Variants in SLC35F1 observed in about 807,000 individuals in gnomAD.
The protein encoded by SLC35F1 is solute carrier family 35 member F1.
A neutral mutation model predicts 48.7 loss-of-function variants in SLC35F1; 14 were observed. The ratio of observed to expected loss-of-function variants is 0.29; its 90% confidence interval spans 0.19 to 0.45. The LOEUF is 0.45. Ranked by LOEUF, SLC35F1 falls within the 20% of genes least tolerant of loss-of-function variation. SLC35F1 has a pLI of 1.00. For missense variants in SLC35F1, 404 were observed against 500.0 expected (o/e 0.81, Z 1.83); for synonymous variants, 190 against 202.2 (o/e 0.94, Z 0.51).
At chr6:118,296,205 T>A (rs901445743) in intron 7 of SLC35F1, among the ~76,000 whole-genome samples, 2 of 152,246 alleles carry the variant, frequency 1.3e-5, no homozygotes, top group Non-Finnish European at 2.9e-5. Flanking sequence ...TGTGCTACAA[T>A]GGCAGTGTTG....
At chr6:118,003,402 G>T (rs181593719) in intron 1 of SLC35F1, among the ~76,000 whole-genome samples, 5 of 152,330 alleles carry the variant, frequency 3.3e-5, no homozygotes, top group Non-Finnish European at 5.9e-5. Context: ...AGCAGGTTCT[G>T]GTTGGTTCTG....
intron 2 of SLC35F1, among the ~76,000 whole-genome samples, chr6:118,165,622 A>G (rs545326116): frequency 2.0e-5 from 3 of 152,350 alleles, no homozygotes; most frequent in East Asian, 1.9e-4. Context: ...AACTGAATAT[A>G]CATGCCATAC....
intron 1 of SLC35F1, among the ~76,000 whole-genome samples, chr6:117,925,060 GT>G (rs1277946794): frequency 6.6e-6 from 1 of 152,162 alleles, no homozygotes; most frequent in East Asian, 1.9e-4. Flanking sequence ...ACGTAATTGT[GT>G]TACATGGAAA....
chr6:118,059,497 A>C (rs1162164189), intron 1 of SLC35F1, among the ~76,000 whole-genome samples: 3 of 152,236 alleles, frequency 2.0e-5, no homozygotes, highest in African/African-American at 7.2e-5. Flanking sequence ...CAGTCAGTAC[A>C]AACCAGGTTA....
intron 1 of SLC35F1, among the ~76,000 whole-genome samples, chr6:117,939,091 T>C (rs1776196853): frequency 6.6e-6 from 1 of 151,280 alleles, no homozygotes; most frequent in Non-Finnish European, 1.5e-5. Context: ...GCTCAAAATC[T>C]TGAGCTCAAA....
intron 2 of SLC35F1, among the ~76,000 whole-genome samples, chr6:118,196,577 G>A (rs1774803424): frequency 6.6e-6 from 1 of 151,928 alleles, no homozygotes; most frequent in African/African-American, 2.4e-5. Context: ...TTAGCTGGGT[G>A]TCATGGCAGA....
At chr6:118,081,348 A>C (rs1772905198) in intron 1 of SLC35F1, among the ~76,000 whole-genome samples, 1 of 152,236 alleles carries the variant, frequency 6.6e-6, no homozygotes, top group Middle Eastern at 3.4e-3. Context: ...CAACCTGATC[A>C]TGCCAGGCAT....
intron 1 of SLC35F1, among the ~76,000 whole-genome samples, chr6:118,145,983 A>G (rs1207741924): frequency 6.6e-6 from 1 of 152,192 alleles, no homozygotes; most frequent in Non-Finnish European, 1.5e-5. Flanking sequence ...TTGTGTTGAC[A>G]ATTAATGTTG....
At chr6:117,962,226 C>T (rs192632845) in intron 1 of SLC35F1, among the ~76,000 whole-genome samples, 31 of 152,298 alleles carry the variant, frequency 2.0e-4, no homozygotes, top group African/African-American at 6.3e-4. Flanking sequence ...CCTTTCCCAT[C>T]CTGTCTATCA....
chr6:118,313,182 T>G (rs188723637), intron 7 of SLC35F1, among the ~76,000 whole-genome samples: 2 of 152,332 alleles, frequency 1.3e-5, no homozygotes, highest in Admixed American at 6.5e-5. Context: ...AAGGAATGAA[T>G]GAACGAAACA....
At chr6:118,052,571 CA>C (rs1225331841) in intron 1 of SLC35F1, among the ~76,000 whole-genome samples, 3 of 152,152 alleles carry the variant, frequency 2.0e-5, no homozygotes, top group Admixed American at 2.0e-4. Flanking sequence ...TTAGTATTAT[CA>C]GATATTATCA....
intron 4 of SLC35F1, among the ~76,000 whole-genome samples, chr6:118,272,281 TG>T (rs1775861072): frequency 6.6e-6 from 1 of 152,122 alleles, no homozygotes. Context: ...TGGAGTATGG[TG>T]GGTGCCATAG....
intron 3 of SLC35F1, among the ~76,000 whole-genome samples, chr6:118,266,332 A>C (rs916471682): frequency 2.6e-5 from 4 of 152,254 alleles, no homozygotes; most frequent in African/African-American, 7.2e-5. Context: ...AATGAAATCA[A>C]ATTTTTTTGC....
chr6:118,033,653 T>A (rs1247768850), intron 1 of SLC35F1, among the ~76,000 whole-genome samples: 1 of 152,110 alleles, frequency 6.6e-6, no homozygotes, highest in Admixed American at 6.6e-5. Context: ...AGTGTGTTAT[T>A]TCTCTATATT....
chr6:117,977,856 G>A (rs1776724901), intron 1 of SLC35F1, among the ~76,000 whole-genome samples: 1 of 152,058 alleles, frequency 6.6e-6, no homozygotes, highest in Non-Finnish European at 1.5e-5. Flanking sequence ...TAATGATAGG[G>A]AAAGATTTTC....
At chr6:118,210,076 A>G (rs1774983167) in intron 2 of SLC35F1, among the ~76,000 whole-genome samples, 1 of 152,198 alleles carries the variant, frequency 6.6e-6, no homozygotes, top group Non-Finnish European at 1.5e-5. Flanking sequence ...AGTTGGAGCA[A>G]GCAAAAGAAC....
intron 1 of SLC35F1, among the ~76,000 whole-genome samples, chr6:118,003,906 A>G (rs1777140347): frequency 6.6e-6 from 1 of 152,202 alleles, no homozygotes; most frequent in African/African-American, 2.4e-5. Flanking sequence ...AGAGATTCAG[A>G]ACTGGTTCAG....
intron 1 of SLC35F1, among the ~76,000 whole-genome samples, chr6:118,031,485 C>T (rs1409320872): frequency 1.3e-5 from 2 of 152,238 alleles, no homozygotes; most frequent in Middle Eastern, 3.4e-3. Context: ...GAGTCTGAGG[C>T]TAGTTCTAAG....
chr6:118,079,440 C>T (rs1268530424), intron 1 of SLC35F1, among the ~76,000 whole-genome samples: 1 of 152,124 alleles, frequency 6.6e-6, no homozygotes, highest in African/African-American at 2.4e-5. Flanking sequence ...ATTTTTGGCT[C>T]TTGTGAATAT....
Sources: allele counts gnomAD v4.1 joint callset (sites outside exome capture counted in the v4.1 genomes callset), GRCh38; gene constraint gnomAD v4.1.1; transcripts MANE v1.5; gene names NCBI Gene and HGNC (gene_info 2026-07-23, HGNC 2026-07-21).